Variants in RALGPS2 observed in about 807,000 individuals in gnomAD.
RALGPS2 encodes Ral GEF with PH domain and SH3 binding motif 2, also known as ras-specific guanine nucleotide-releasing factor RalGPS2.
RALGPS2 carries 43 observed loss-of-function variants against 86.8 expected under a neutral mutation model. The ratio of observed to expected loss-of-function variants is 0.50; its 90% CI spans 0.39 to 0.64. The LOEUF (loss-of-function observed/expected upper bound fraction) is 0.64. Ranked by LOEUF, RALGPS2 falls within the 30% of genes least tolerant of loss-of-function variation. The probability of loss-of-function intolerance (pLI) is 0.00; values close to 1 mark genes in which losing one functional copy is unlikely to be tolerated. For missense variants in RALGPS2, 536 were observed against 694.6 expected (o/e 0.77, Z 2.57); for synonymous variants, 243 against 231.3 (o/e 1.05, Z -0.46).
chr1:178,846,520 T>C (rs1216795808), intron 8 of RALGPS2, among the ~76,000 whole-genome samples: 2 of 152,176 alleles, frequency 1.3e-5, no homozygotes, highest in Non-Finnish European at 2.9e-5. Context: ...TATATTTTTT[T>C]ACCCTCACTC....
chr1:178,807,093 G>A (rs1654782641), intron 4 of RALGPS2, among the ~76,000 whole-genome samples: 1 of 152,094 alleles, frequency 6.6e-6, no homozygotes, highest in Admixed American at 6.6e-5. Flanking sequence ...AGCACTTTGA[G>A]AGGCTGAGGC....
chr1:178,877,564 A>G lies in RALGPS2; in HGVS notation c.674A>G (p.Asn225Ser), dbSNP rs35161510. 889 of 1,613,586 alleles carry G rather than the reference A, an allele frequency of 5.5e-4. 1 individual carries two copies. The African/African-American group carries it at 0.011, about 20-fold the overall frequency. ...CCATCAACTGGCAGCATTCTAGAAA[A>G]TGAGCAAAGATCAAATTTAATGAAT... ...AYPSTGSILE[N>S]EQRSNLMNNI... The change falls in exon 9 of 20, where the codon AAT (asparagine) becomes AGT (serine). Residue 225 changes from asparagine (N) to serine (S), a missense_variant. Asn to Ser is a conservative substitution (Grantham distance 46, BLOSUM62 1). Around this residue, in one of 3 missense-constraint regions of RALGPS2, gnomAD observed 184 missense variants for 296.7 expected, o/e 0.62. Coordinates refer to ENST00000367635, the MANE Select transcript of RALGPS2 (RefSeq NM_152663.5).
At chr1:178,826,027 G>GA (rs1368182264) in intron 7 of RALGPS2, among the ~76,000 whole-genome samples, 1 of 152,218 alleles carries the variant, frequency 6.6e-6, no homozygotes, top group Non-Finnish European at 1.5e-5. Context: ...AATGCTTAGA[G>GA]AAAATGTTAA....
Position 178,852,902 on chromosome 1 carries a change from AGAT to A in RALGPS2, c.607+19353_607+19355del, listed in dbSNP as rs1410505454. 3 of 1,613,688 alleles carry A rather than the reference AGAT, an allele frequency of 1.9e-6. No individual in the cohort carries two copies. The Admixed American group carries it at 5.0e-5, about 27-fold the overall frequency. ...TAATTATCTTGATTGCTAAGCATAT[AGAT>A]ATTTTCCAGTCCAAGCCAGTATTCT... On this transcript the variant is annotated intron_variant, in intron 8 of 19. Coordinates refer to ENST00000367635, the MANE Select transcript of RALGPS2 (RefSeq NM_152663.5).
chr1:178,851,246 T>C (rs1408200067), intron 8 of RALGPS2: 1 of 1,613,828 alleles, frequency 6.2e-7, no homozygotes, highest in Non-Finnish European at 8.5e-7. Flanking sequence ...CTCTGTACCA[T>C]ACTCCATTTA....
chr1:178,827,730 T>C (rs2102237645), intron 7 of RALGPS2, among the ~76,000 whole-genome samples: 1 of 152,254 alleles, frequency 6.6e-6, no homozygotes, highest in South Asian at 2.1e-4. Context: ...TGTGAAGCTA[T>C]AGTAATCAAA....
At chr1:178,863,996 G>A (rs151038371) in intron 8 of RALGPS2, among the ~76,000 whole-genome samples, 2 of 152,158 alleles carry the variant, frequency 1.3e-5, no homozygotes, top group South Asian at 2.1e-4. Context: ...TTATTTACTC[G>A]TTGCTTTGGG....
rs76568738 is a variant in RALGPS2 at position 178,882,554 on chromosome 1, G to A, written c.837-912G>A. Among the ~76,000 whole-genome samples, 5 of 152,204 alleles carry A rather than the reference G, an allele frequency of 3.3e-5. No individual in the cohort carries two copies. In the South Asian group the frequency reaches 8.3e-4, roughly 25 times the overall value. ...CTACAGTAGATTTATCATTATAAAT[G>A]CCTCTTGTATTATTCAATTATTTTT... On this transcript the variant is annotated intron_variant, in intron 10 of 19. Transcript: ENST00000367635.
chr1:178,850,350 T>C (rs1657092715), intron 8 of RALGPS2: 1 of 152,660 alleles, frequency 6.6e-6, no homozygotes, highest in East Asian at 1.9e-4. Context: ...TCTGCATTTT[T>C]GTAATACCAA....
At chr1:178,795,043 G>A (rs1043423054) in intron 4 of RALGPS2, among the ~76,000 whole-genome samples, 21 of 152,022 alleles carry the variant, frequency 1.4e-4, no homozygotes, top group African/African-American at 3.9e-4. Flanking sequence ...AGCCAAGCAT[G>A]GTGGTGCATG....
intron 4 of RALGPS2, among the ~76,000 whole-genome samples, chr1:178,804,273 T>A (rs1654626171): frequency 6.9e-6 from 1 of 145,722 alleles, no homozygotes; most frequent in South Asian, 2.1e-4. Flanking sequence ...TTTTTTTAAT[T>A]AATTGATTTA....
chr1:178,781,032 G>A (rs1326372053), intron 2 of RALGPS2, among the ~76,000 whole-genome samples: 2 of 151,480 alleles, frequency 1.3e-5, no homozygotes, highest in East Asian at 1.9e-4. Context: ...ATATATGTAT[G>A]TGTATATTTT....
chr1:178,815,507 T>C (rs949897376), intron 6 of RALGPS2, among the ~76,000 whole-genome samples: 2 of 152,218 alleles, frequency 1.3e-5, no homozygotes, highest in Non-Finnish European at 1.5e-5. Context: ...CTGATTTACA[T>C]GTTCTTAATT....
rs553200708 is a variant in RALGPS2, at chr1:178,874,435, G to A, written c.608-3063G>A. Among the ~76,000 whole-genome samples, 30 of 152,286 alleles carry A rather than the reference G, an allele frequency of 2.0e-4. 3 individuals are homozygous for A. The South Asian group carries it at 5.8e-3, about 29-fold the overall frequency. ...GCAAGTGGTTATATTGGACAGCACA[G>A]TATAGCGAGTGACTACAGGCGAGTT... On this transcript the variant is annotated intron_variant, in intron 8 of 19. Coordinates refer to ENST00000367635, the MANE Select transcript of RALGPS2 (RefSeq NM_152663.5).
chr1:178,865,049 G>T, intron 8 of RALGPS2: 1 of 1,508,706 alleles, frequency 6.6e-7, no homozygotes, highest in Middle Eastern at 1.8e-4. Flanking sequence ...GGGATAACCT[G>T]GATCCCTCTG....
In RALGPS2 at chr1:178,877,604, A is replaced by T. The variant is rs1474927731; in HGVS notation, c.714A>T (p.Ile238=). Residue 238 remains isoleucine (I), a synonymous_variant, in exon 9 of 20, where the codon ATA becomes ATT. Transcript: ENST00000367635. ...ATTTAATGAATAATATCCTTCGAATAATTTCTGATTTACAGCAGTCTTGTG... is the reference window on the plus strand; with the variant it reads ...ATTTAATGAATAATATCCTTCGAATTATTTCTGATTTACAGCAGTCTTGTG... ...RSNLMNNILR[I]ISDLQQSCEY... The T allele has an allele frequency of 1.2e-6, 2 of 1,613,400 alleles. No homozygotes were observed. The highest frequency in any genetic ancestry group is 1.7e-6 in the Non-Finnish European group (2 of 1,179,528).
intron 17 of RALGPS2, among the ~76,000 whole-genome samples, chr1:178,900,279 T>A (rs1052073247): frequency 1.3e-5 from 2 of 151,994 alleles, no homozygotes; most frequent in Non-Finnish European, 2.9e-5. Context: ...TAGTATTCTA[T>A]AAAGTATATA....
At chr1:178,827,120 A>G (rs2102236228) in intron 7 of RALGPS2, among the ~76,000 whole-genome samples, 1 of 152,352 alleles carries the variant, frequency 6.6e-6, no homozygotes, top group South Asian at 2.1e-4. Flanking sequence ...ATCTATACAC[A>G]GAAAACTATA....
chr1:178,758,025 AT>A (rs1403249997), intron 1 of RALGPS2, among the ~76,000 whole-genome samples: 2 of 151,476 alleles, frequency 1.3e-5, no homozygotes, highest in Non-Finnish European at 2.9e-5. Flanking sequence ...GGGGGTTGTG[AT>A]TTTTCAGGAA....
Sources: gnomAD v4.1 joint callset for allele counts (sites outside exome capture counted in the v4.1 genomes callset) on GRCh38, gnomAD v4.1.1 for gene constraint, gnomAD v4.1.1 regional missense constraint, MANE v1.5 for transcripts, NCBI Gene and HGNC (gene_info 2026-07-23, HGNC 2026-07-21) for gene names.